The following NTM variants were observed in gnomAD, a reference collection of about 807,000 sequenced individuals.
NTM encodes the protein neurotrimin.
A neutral mutation model predicts 42.1 loss-of-function variants in NTM; 13 were observed. The ratio of observed to expected loss-of-function variants is 0.31; its 90% CI spans 0.20 to 0.49. The LOEUF is 0.49. Among genes scored for constraint, NTM ranks in the 20% least tolerant of loss-of-function variants. The pLI is 0.99. For missense variants in NTM, 373 were observed against 452.8 expected, an observed-to-expected ratio of 0.82 and a Z score of 1.60; for synonymous variants, 187 against 179.2, an observed-to-expected ratio of 1.04 and a Z score of -0.35.
chr11:131,979,969 G>T (rs941875715), intron 2 of NTM, among the ~76,000 whole-genome samples: 2 of 152,172 alleles, frequency 1.3e-5, no homozygotes, highest in Admixed American at 1.3e-4. Flanking sequence ...TAGAAAGGTG[G>T]CTTTATAACA....
At chr11:132,008,968 CCAG>C (rs762233156) in intron 2 of NTM, among the ~76,000 whole-genome samples, 7 of 151,612 alleles carry the variant, frequency 4.6e-5, no homozygotes, top group Non-Finnish European at 8.8e-5. Flanking sequence ...AGAGAATTCA[CCAG>C]CAGGACACCA....
intron 4 of NTM, among the ~76,000 whole-genome samples, chr11:132,217,544 G>A (rs2084158761): frequency 6.6e-6 from 1 of 151,976 alleles, no homozygotes; most frequent in African/African-American, 2.4e-5. Flanking sequence ...GACCCTGGGG[G>A]CAGAATTAGA....
chr11:131,627,194 T>C (rs1268459184), intron 1 of NTM, among the ~76,000 whole-genome samples: 4 of 151,966 alleles, frequency 2.6e-5, no homozygotes, highest in Admixed American at 2.0e-4. Flanking sequence ...TTGCTATTTG[T>C]GCATGAATAA....
chr11:131,413,757 G>T (rs1411532282), intron 1 of NTM, among the ~76,000 whole-genome samples: 1 of 152,212 alleles, frequency 6.6e-6, no homozygotes, highest in Non-Finnish European at 1.5e-5. Flanking sequence ...CCTGCCGTGT[G>T]GGCAGCAGGT....
At chr11:132,105,485 G>C (rs2062248770) in intron 2 of NTM, among the ~76,000 whole-genome samples, 1 of 152,120 alleles carries the variant, frequency 6.6e-6, no homozygotes, top group East Asian at 1.9e-4. Flanking sequence ...AGGCCCATTA[G>C]GAAGTGGAGA....
intron 1 of NTM, among the ~76,000 whole-genome samples, chr11:131,788,799 C>T (rs2089684683): frequency 6.6e-6 from 1 of 152,136 alleles, no homozygotes. Context: ...ATGTAGTGTT[C>T]TAGGCAGCAT....
At chr11:131,575,537 A>G (rs1388833007) in intron 1 of NTM, among the ~76,000 whole-genome samples, 7 of 152,174 alleles carry the variant, frequency 4.6e-5, no homozygotes, top group Admixed American at 2.6e-4. Context: ...AGCATAGTTA[A>G]TGAAATTAGG....
At chr11:132,110,016 G>T (rs984531751) in intron 2 of NTM, among the ~76,000 whole-genome samples, 2 of 152,182 alleles carry the variant, frequency 1.3e-5, no homozygotes, top group African/African-American at 4.8e-5. Flanking sequence ...TCCTCAAAAT[G>T]GACTTCCTTA....
intron 2 of NTM, among the ~76,000 whole-genome samples, chr11:132,143,131 C>G (rs912199770): frequency 6.6e-6 from 1 of 152,132 alleles, no homozygotes; most frequent in African/African-American, 2.4e-5. Context: ...TCTCCTGTAA[C>G]GTATCAGAAA....
At chr11:132,269,176 A>C (rs2093360865) in intron 4 of NTM, among the ~76,000 whole-genome samples, 1 of 152,206 alleles carries the variant, frequency 6.6e-6, no homozygotes, top group African/African-American at 2.4e-5. Context: ...AGGACATACA[A>C]TAGAACAAGA....
At chr11:132,240,894 C>T (rs1183201577) in intron 4 of NTM, among the ~76,000 whole-genome samples, 1 of 152,166 alleles carries the variant, frequency 6.6e-6, no homozygotes. Context: ...ATTAGAAAAT[C>T]CAAAATCAGA....
intron 2 of NTM, among the ~76,000 whole-genome samples, chr11:131,949,463 C>T (rs1400370729): frequency 6.6e-6 from 1 of 152,226 alleles, no homozygotes; most frequent in African/African-American, 2.4e-5. Flanking sequence ...AGACTCTAAT[C>T]CCAGTACCTG....
chr11:131,692,215 CACCTCCCA>C (rs66817065), intron 1 of NTM, among the ~76,000 whole-genome samples: 10,876 of 152,274 alleles, frequency 0.071, 1,343 homozygotes, highest in African/African-American at 0.25. Flanking sequence ...CAAGAGGTGC[CACCTCCCA>C]TGCAGACCTC....
intron 1 of NTM, among the ~76,000 whole-genome samples, chr11:131,661,555 G>A (rs1208363014): frequency 6.6e-6 from 1 of 152,142 alleles, no homozygotes; most frequent in East Asian, 1.9e-4. Flanking sequence ...ATTCCTGCCT[G>A]GTCGCCGAGG....
rs577004978 is a variant in NTM at position 131,811,524 on chromosome 11, C to G, written c.83-100040C>G. Among the ~76,000 whole-genome samples the G allele has an allele frequency of 3.6e-4, 55 of 152,256 alleles. No homozygotes were observed. The South Asian group carries it at 9.7e-3, about 27-fold the overall frequency. On this transcript the variant is annotated intron_variant, in intron 1 of 8. Coordinates refer to ENST00000683400, the MANE Select transcript of NTM (RefSeq NM_001352005.2). ...ATCATTAATCACTGTAATCAGGAAG[C>G]TACCCCAAGCAGGTTTAATCACCGC...
chr11:131,561,450 AG>A (rs1565640979), intron 1 of NTM, among the ~76,000 whole-genome samples: 1 of 152,214 alleles, frequency 6.6e-6, no homozygotes, highest in East Asian at 1.9e-4. Context: ...TGGAAACAAA[AG>A]TTCCCCCATC....
At chr11:131,752,243 C>G (rs2082652709) in intron 1 of NTM, among the ~76,000 whole-genome samples, 1 of 152,198 alleles carries the variant, frequency 6.6e-6, no homozygotes, top group Non-Finnish European at 1.5e-5. Context: ...TGAACAGACA[C>G]TTCTCTAAAG....
At chr11:131,933,068 A>G (rs2058813221) in intron 2 of NTM, among the ~76,000 whole-genome samples, 1 of 152,216 alleles carries the variant, frequency 6.6e-6, no homozygotes, top group African/African-American at 2.4e-5. Flanking sequence ...GCCAACTGTC[A>G]GTAATTTAAC....
chr11:131,938,800 G>A (rs978003876), intron 2 of NTM, among the ~76,000 whole-genome samples: 1 of 152,144 alleles, frequency 6.6e-6, no homozygotes, highest in Non-Finnish European at 1.5e-5. Flanking sequence ...CTGAGGACGT[G>A]ATGCTGGAAT....
Sources: allele counts gnomAD v4.1 joint callset (sites outside exome capture counted in the v4.1 genomes callset), GRCh38; gene constraint gnomAD v4.1.1; transcripts MANE v1.5; gene names NCBI Gene and HGNC (gene_info 2026-07-23, HGNC 2026-07-21).